NCAM2: variants seen among roughly 807,000 people sequenced by gnomAD.
NCAM2 encodes neural cell adhesion molecule 2, also known as N-CAM-2.
Under a neutral mutation model 98.1 loss-of-function variants are expected in NCAM2, and 30 were observed. The ratio of observed to expected loss-of-function variants is 0.31; its 90% CI spans 0.23 to 0.41. The LOEUF is 0.41. NCAM2 is among the 10% of genes least tolerant of loss of function. The pLI is 1.00. For synonymous variants in NCAM2, 368 were observed against 342.4 expected (o/e 1.07, Z -0.83); for missense variants, 867 against 1,005.8 (o/e 0.86, Z 1.87).
chr21:20,998,500 A>C lies in NCAM2; in HGVS notation c.-64A>C, dbSNP rs957965362. 2 of 1,538,732 alleles carry C rather than the reference A, an allele frequency of 1.3e-6. No individual in the cohort carries two copies. Among genetic ancestry groups the C allele is most frequent in the Non-Finnish European group, 1.8e-6 (2 of 1,124,676 alleles). Reference sequence around the variant, plus strand: ...TAGCAGAGGCGGCCGGGGCAGCGAAAGGTTCTCTCTCCAGGGCTGGACTTA... The same window carrying C: ...TAGCAGAGGCGGCCGGGGCAGCGAACGGTTCTCTCTCCAGGGCTGGACTTA... On this transcript the variant is annotated 5_prime_UTR_variant, in exon 1 of 18. Transcript: ENST00000400546.
intron 12 of NCAM2, among the ~76,000 whole-genome samples, chr21:21,444,309 C>T (rs1247069851): frequency 6.6e-6 from 1 of 152,122 alleles, no homozygotes; most frequent in East Asian, 1.9e-4. Flanking sequence ...TCTGTTGTGT[C>T]TCTGCCAGGT....
intron 1 of NCAM2, among the ~76,000 whole-genome samples, chr21:21,195,238 G>A (rs1320746857): frequency 2.0e-5 from 3 of 152,142 alleles, no homozygotes; most frequent in East Asian, 1.9e-4. Context: ...TTGCTAAGAT[G>A]TAGGAAATAT....
chr21:21,189,036 A>G (rs1409296046), intron 1 of NCAM2, among the ~76,000 whole-genome samples: 1 of 152,178 alleles, frequency 6.6e-6, no homozygotes, highest in African/African-American at 2.4e-5. Context: ...AACAGAACAC[A>G]TGTGCATTTT....
At chr21:21,281,237 GATA>G (rs1450157319) in intron 2 of NCAM2, among the ~76,000 whole-genome samples, 2 of 152,022 alleles carry the variant, frequency 1.3e-5, no homozygotes, top group South Asian at 2.1e-4. Flanking sequence ...CATTATATCT[GATA>G]ATAACTTAAA....
chr21:21,137,234 T>A (rs955180171), intron 1 of NCAM2, among the ~76,000 whole-genome samples: 2 of 152,214 alleles, frequency 1.3e-5, no homozygotes, highest in African/African-American at 2.4e-5. Flanking sequence ...AAAAATACAC[T>A]GCCATTATTA....
chr21:21,527,469 C>T (rs1337114022), intron 16 of NCAM2, among the ~76,000 whole-genome samples: 1 of 152,014 alleles, frequency 6.6e-6, no homozygotes, highest in Non-Finnish European at 1.5e-5. Context: ...TGACAAAGGA[C>T]TATTATATGA....
rs71321779 is a variant in NCAM2, at chr21:21,089,860, T to C, written c.55+91242T>C. Among the ~76,000 whole-genome samples, 132 of 152,312 alleles carry C rather than the reference T, an allele frequency of 8.7e-4. 1 individual carries two copies. Among genetic ancestry groups the C allele is most frequent in the Non-Finnish European group, 1.5e-3 (101 of 68,012 alleles). On this transcript the variant is annotated intron_variant, in intron 1 of 17. Coordinates refer to ENST00000400546, the MANE Select transcript of NCAM2 (RefSeq NM_004540.5). ...ATGGCTTGTGTGCATGGAACAGCAA[T>C]TCCTGGTTTAAAAATGGCCACTCTA...
intron 10 of NCAM2, among the ~76,000 whole-genome samples, chr21:21,411,647 A>C (rs934340568): frequency 2.0e-5 from 3 of 152,116 alleles, no homozygotes; most frequent in Non-Finnish European, 4.4e-5. Flanking sequence ...TCTTTTTCAC[A>C]CAGCCTTATT....
chr21:21,418,458 T>C lies in NCAM2; in HGVS notation c.1384-15T>C. 1 of 1,566,014 alleles carries C rather than the reference T, an allele frequency of 6.4e-7. No individual in the cohort carries two copies. The highest frequency in any genetic ancestry group is 8.8e-7 in the Non-Finnish European group (1 of 1,137,532). On this transcript the variant is annotated splice_polypyrimidine_tract_variant and intron_variant, in intron 10 of 17. Transcript: ENST00000400546. ...TGTTTTAGAATTGTAACATTTGTTA[T>C]TATAATTATTTCAGATTGCACCTAC... is the stretch of plus-strand genomic sequence containing the variant.
At chr21:21,521,607 G>A (rs979260109) in intron 16 of NCAM2, among the ~76,000 whole-genome samples, 6 of 152,050 alleles carry the variant, frequency 3.9e-5, no homozygotes, top group African/African-American at 1.4e-4. Flanking sequence ...AAAGAGGAAT[G>A]TCTTTGATAG....
intron 1 of NCAM2, among the ~76,000 whole-genome samples, chr21:21,197,193 G>A (rs1301253002): frequency 3.9e-5 from 6 of 152,116 alleles, no homozygotes; most frequent in Non-Finnish European, 8.8e-5. Context: ...GCAGTGGCAC[G>A]ATCTCAGCTC....
chr21:21,453,251 A>G (rs1024930405), intron 12 of NCAM2, among the ~76,000 whole-genome samples: 4 of 150,744 alleles, frequency 2.7e-5, no homozygotes, highest in African/African-American at 9.8e-5. Context: ...GGGAATGGGG[A>G]CTAATTTTAT....
intron 15 of NCAM2, among the ~76,000 whole-genome samples, chr21:21,508,012 C>T (rs1248481958): frequency 5.9e-5 from 9 of 152,254 alleles, no homozygotes; most frequent in Non-Finnish European, 8.8e-5. Context: ...CGTGATTCAT[C>T]TTCATTACTA....
chr21:21,237,949 CTTTTTTTTTTTT>C (rs71195313), intron 1 of NCAM2, among the ~76,000 whole-genome samples: 5 of 114,472 alleles, frequency 4.4e-5, no homozygotes, highest in African/African-American at 3.5e-5. Flanking sequence ...CATTGTAATT[CTTTTTTTTTTTT>C]TTTTTTTTTT....
Position 21,126,261 on chromosome 21 carries a change from G to T in NCAM2, c.55+127643G>T, listed in dbSNP as rs1364958205. Among the ~76,000 whole-genome samples, 5 of 40,104 alleles carry T rather than the reference G, an allele frequency of 1.2e-4. No individual in the cohort carries two copies. In the South Asian group the frequency reaches 3.7e-3, roughly 30 times the overall value. The allele number at this position is 40,104 out of a possible 152,430, so 26.3% of individuals were successfully genotyped here. A position where few individuals can be genotyped will look rare whatever the true frequency, so the allele number is the denominator to read the frequency against. On this transcript the variant is annotated intron_variant, in intron 1 of 17. Coordinates refer to ENST00000400546, the MANE Select transcript of NCAM2 (RefSeq NM_004540.5). Reference sequence around the variant, plus strand: ...TAAAAAAAAAAAAAAAAAAAAAATCGCAGAAAAAGTGTATTTGAATTAGCG... The same window carrying T: ...TAAAAAAAAAAAAAAAAAAAAAATCTCAGAAAAAGTGTATTTGAATTAGCG...
intron 1 of NCAM2, among the ~76,000 whole-genome samples, chr21:21,052,651 ATC>A (rs1258353955): frequency 6.6e-6 from 1 of 152,168 alleles, no homozygotes; most frequent in Non-Finnish European, 1.5e-5. Flanking sequence ...CCCCAGAAAT[ATC>A]TCATCCCCTG....
chr21:21,140,915 A>G (rs2067154374), intron 1 of NCAM2, among the ~76,000 whole-genome samples: 1 of 152,148 alleles, frequency 6.6e-6, no homozygotes, highest in Admixed American at 6.5e-5. Context: ...GTGTGCAGAA[A>G]CAACAGAGAA....
intron 1 of NCAM2, among the ~76,000 whole-genome samples, chr21:21,076,073 T>C (rs1401050276): frequency 1.3e-5 from 2 of 149,988 alleles, no homozygotes; most frequent in African/African-American, 2.5e-5. Context: ...GGCTAGATCA[T>C]GCCACTGCAC....
In NCAM2 at chr21:21,466,875, G is replaced by C. The variant is rs187182171; in HGVS notation, c.1774+150G>C. 1.9e-4 allele frequency: 152 copies of C among 795,594 alleles called. 1 individual carries two copies. The highest frequency in any genetic ancestry group is 2.6e-4 in the Non-Finnish European group (137 of 519,982). The allele number at this position is 795,594 out of a possible 1,614,324, so 49.3% of individuals were successfully genotyped here. On this transcript the variant is annotated intron_variant, in intron 13 of 17. Coordinates refer to ENST00000400546, the MANE Select transcript of NCAM2 (RefSeq NM_004540.5). ...GGTTTCTGAAGACAGTGACATCTGA[G>C]ATTTATTAACATAAAAATAACTTTG...
Sources: allele counts gnomAD v4.1 joint callset (sites outside exome capture counted in the v4.1 genomes callset), GRCh38; gene constraint gnomAD v4.1.1; transcripts MANE v1.5; gene names NCBI Gene and HGNC (gene_info 2026-07-23, HGNC 2026-07-21).